Variants in KLF12 observed in about 807,000 individuals in gnomAD.
KLF12 encodes Krueppel-like factor 12.
Under a neutral mutation model 37.8 loss-of-function variants are expected in KLF12, and 9 were observed. That is an observed-to-expected ratio of 0.24 (90% CI 0.14 to 0.42). KLF12 has a LOEUF of 0.42. KLF12 is among the 10% of genes least tolerant of loss of function. The pLI, the probability that KLF12 is intolerant of heterozygous loss-of-function variation, is 1.00. For missense variants in KLF12, 411 were observed against 516.0 expected, an observed-to-expected ratio of 0.80 and a Z score of 1.97; for synonymous variants, 208 against 202.1, an observed-to-expected ratio of 1.03 and a Z score of -0.25.
chr13:73,710,038 A>C (rs1341141171), intron 7 of KLF12, among the ~76,000 whole-genome samples: 1 of 152,180 alleles, frequency 6.6e-6, no homozygotes, highest in African/African-American at 2.4e-5. Flanking sequence ...AATATAGAAT[A>C]ATTATTTCTT....
At chr13:74,135,307 C>T (rs1878504366), upstream of KLF12, among the ~76,000 whole-genome samples, 1 of 151,864 alleles carries the variant, frequency 6.6e-6, no homozygotes, top group Admixed American at 6.6e-5. Context: ...ATCTGCAGAC[C>T]CCCGCGGGGC....
intron 5 of KLF12, among the ~76,000 whole-genome samples, chr13:73,806,619 G>A (rs1882641058): frequency 6.7e-6 from 1 of 149,698 alleles, no homozygotes; most frequent in African/African-American, 2.5e-5. Flanking sequence ...GACAACCTTG[G>A]GATTGAATAT....
At chr13:73,841,560 T>C (rs967016694) in intron 4 of KLF12, among the ~76,000 whole-genome samples, 1 of 152,174 alleles carries the variant, frequency 6.6e-6, no homozygotes, top group Non-Finnish European at 1.5e-5. Context: ...TGAAAGCTAA[T>C]GAGTGTCTCC....
At chr13:74,083,011 A>G (rs1875005461) in intron 1 of KLF12, among the ~76,000 whole-genome samples, 2 of 152,210 alleles carry the variant, frequency 1.3e-5, no homozygotes, top group Admixed American at 6.5e-5. Context: ...TATGAAATTT[A>G]AAAATAAGGA....
chr13:74,016,747 CCTT>C (rs1322622312), intron 1 of KLF12, among the ~76,000 whole-genome samples: 2 of 152,228 alleles, frequency 1.3e-5, no homozygotes, highest in Middle Eastern at 6.8e-3. Context: ...AAAATATACT[CCTT>C]AAGACTCAGC....
chr13:74,277,587 A>C, the KLF12 span, among the ~76,000 whole-genome samples: 1 of 152,202 alleles, frequency 6.6e-6, no homozygotes, highest in Non-Finnish European at 1.5e-5. Context: ...TATTATATGG[A>C]AATAAACATG....
chr13:73,951,899 G>T (rs182675767), intron 2 of KLF12, among the ~76,000 whole-genome samples: 1 of 152,080 alleles, frequency 6.6e-6, no homozygotes, highest in African/African-American at 2.4e-5. Context: ...CTTTTTGTTC[G>T]TAACAGTACT....
intron 7 of KLF12, among the ~76,000 whole-genome samples, chr13:73,708,931 C>A (rs1234254658): frequency 6.6e-6 from 1 of 152,154 alleles, no homozygotes; most frequent in South Asian, 2.1e-4. Context: ...ACAATTTAGA[C>A]AGTGGATATA....
At chr13:74,281,438 AT>A in the KLF12 span, among the ~76,000 whole-genome samples, 1 of 152,242 alleles carries the variant, frequency 6.6e-6, no homozygotes, top group African/African-American at 2.4e-5. Flanking sequence ...GCATTTAAAA[AT>A]TAGATATGGC....
At chr13:74,173,177 A>C in the KLF12 span, among the ~76,000 whole-genome samples, 44 of 152,358 alleles carry the variant, frequency 2.9e-4, no homozygotes, top group African/African-American at 9.9e-4. Flanking sequence ...ACTGGAAATG[A>C]TTGACAATCA....
intron 6 of KLF12, among the ~76,000 whole-genome samples, chr13:73,737,659 A>C (rs940513753): frequency 7.9e-5 from 12 of 152,208 alleles, no homozygotes; most frequent in African/African-American, 2.9e-4. Flanking sequence ...ATTAAAATAT[A>C]CTTTAATATA....
chr13:74,234,636 T>G, the KLF12 span, among the ~76,000 whole-genome samples: 5 of 152,180 alleles, frequency 3.3e-5, no homozygotes, highest in African/African-American at 1.2e-4. Flanking sequence ...AAAGTCATTA[T>G]GCAAGGAAGG....
intron 5 of KLF12, among the ~76,000 whole-genome samples, chr13:73,772,142 T>C (rs1330034716): frequency 9.2e-6 from 1 of 109,150 alleles, no homozygotes; most frequent in Non-Finnish European, 2.3e-5. Context: ...CAGAGCCATA[T>C]ATACAACCTG....
chr13:73,954,906 T>C lies in KLF12; in HGVS notation c.34-10836A>G, dbSNP rs1209015063. ...ATATCTAATTCATTTCACCCAAATA[T>C]CCCCAAGAATTCTGTACACTTTCAT... On this transcript the variant is annotated intron_variant, in intron 2 of 7. Coordinates refer to ENST00000377669, the MANE Select transcript of KLF12 (RefSeq NM_007249.5). 2.0e-5 allele frequency among the ~76,000 whole-genome samples: 3 copies of C among 152,300 alleles called. No individual in the cohort carries two copies. In the East Asian group the frequency reaches 5.8e-4, roughly 29 times the overall value.
chr13:73,755,845 T>TA (rs1270408703), intron 6 of KLF12, among the ~76,000 whole-genome samples: 1 of 152,110 alleles, frequency 6.6e-6, no homozygotes, highest in Non-Finnish European at 1.5e-5. Flanking sequence ...AGTGAGAACA[T>TA]ACGATGTTTG....
the KLF12 span, among the ~76,000 whole-genome samples, chr13:74,217,511 G>C: frequency 6.6e-6 from 1 of 152,046 alleles, no homozygotes; most frequent in Non-Finnish European, 1.5e-5. Context: ...GGCAGATCAC[G>C]AGGTCAGAAG....
chr13:73,702,483 G>C (rs933416906), intron 7 of KLF12, among the ~76,000 whole-genome samples: 1 of 152,128 alleles, frequency 6.6e-6, no homozygotes, highest in South Asian at 2.1e-4. Flanking sequence ...TTAAAATGAC[G>C]TGTGAGCAAC....
intron 1 of KLF12, among the ~76,000 whole-genome samples, chr13:74,099,436 G>C (rs959440034): frequency 1.3e-5 from 2 of 152,086 alleles, no homozygotes; most frequent in Non-Finnish European, 2.9e-5. Flanking sequence ...ATCTCATTTT[G>C]CTCAGAAACA....
intron 2 of KLF12, among the ~76,000 whole-genome samples, chr13:73,987,616 G>T: frequency 6.7e-6 from 1 of 150,194 alleles, no homozygotes. Flanking sequence ...ACGTGGGAGA[G>T]GGGAGAGGGA....
Sources: gnomAD v4.1 joint callset for allele counts (sites outside exome capture counted in the v4.1 genomes callset) on GRCh38, gnomAD v4.1.1 for gene constraint, MANE v1.5 for transcripts, NCBI Gene and HGNC (gene_info 2026-07-23, HGNC 2026-07-21) for gene names.